The following IREB2 variants were observed in gnomAD, a reference collection of about 807,000 sequenced individuals.
IREB2 encodes the protein iron-responsive element-binding protein 2.
IREB2 carries 39 observed loss-of-function variants against 118.8 expected under a neutral mutation model. The ratio of observed to expected loss-of-function variants is 0.33; its 90% CI spans 0.25 to 0.43. The LOEUF (loss-of-function observed/expected upper bound fraction) is 0.43, where lower values mean the gene tolerates loss of function less well. Ranked by LOEUF, IREB2 falls within the 20% of genes least tolerant of loss-of-function variation. The pLI is 1.00. For synonymous variants in IREB2, 372 were observed against 392.2 expected (o/e 0.95, Z 0.61); for missense variants, 900 against 1,147.3 (o/e 0.78, Z 3.11).
chr15:78,478,261 C>T, intron 9 of IREB2, 36 bp from the exon 10 acceptor site: 2 of 1,285,050 alleles, frequency 1.6e-6, no homozygotes, highest in Non-Finnish European at 2.3e-6. Flanking sequence ...ATAAATTTCT[C>T]ACTGCATTTT....
At chr15:78,483,185 TATAC>T in intron 10 of IREB2, 129 bp from the exon 11 acceptor site, 1 of 556,150 alleles carries the variant, frequency 1.8e-6, no homozygotes, top group Non-Finnish European at 3.2e-6. Context: ...GAGGGTGTAT[TATAC>T]TATTAAAATA....
At chr15:78,477,056 T>G (rs2051483684) in intron 9 of IREB2, among the ~76,000 whole-genome samples, 1 of 152,130 alleles carries the variant, frequency 6.6e-6, no homozygotes, top group Non-Finnish European at 1.5e-5. Flanking sequence ...GGCAGATTAT[T>G]ATGTTAGTTA....
At chr15:78,473,209 A>G (rs2051408463) in intron 7 of IREB2, 33 bp from the exon 8 acceptor site, 1 of 1,594,506 alleles carries the variant, frequency 6.3e-7, no homozygotes. Context: ...CTTTAAATAT[A>G]CTGTGCTAAT....
chr15:78,496,189 G>C (rs2051835062), intron 20 of IREB2, among the ~76,000 whole-genome samples: 1 of 152,102 alleles, frequency 6.6e-6, no homozygotes, highest in South Asian at 2.1e-4. Context: ...ACCTATCTCT[G>C]TTTTCTAAAT....
intron 12 of IREB2, 90 bp downstream of exon 12, chr15:78,485,010 T>C: frequency 8.5e-7 from 1 of 1,181,354 alleles, no homozygotes; most frequent in Non-Finnish European, 1.2e-6. Flanking sequence ...AGATGATGCA[T>C]GAGTGTCTAC....
At chr15:78,470,852 G>A (rs1316650662) in intron 6 of IREB2, 24 of 247,196 alleles carry the variant, frequency 9.7e-5, no homozygotes, top group Non-Finnish European at 1.7e-4. Context: ...ACACCAGCAC[G>A]CCTGGCTAAT....
intron 16 of IREB2, among the ~76,000 whole-genome samples, chr15:78,489,831 G>A (rs2051719752): frequency 6.6e-6 from 1 of 152,174 alleles, no homozygotes; most frequent in Admixed American, 6.5e-5. Context: ...TGAGATTTTT[G>A]GCTGTAGTTT....
chr15:78,448,263 G>A (rs959534771), intron 2 of IREB2, among the ~76,000 whole-genome samples: 4 of 152,078 alleles, frequency 2.6e-5, no homozygotes, highest in African/African-American at 9.7e-5. Flanking sequence ...TCGTGCCTCA[G>A]CCACCCAAGT....
chr15:78,447,881 C>T lies in IREB2; in HGVS notation c.106+8000C>T, dbSNP rs539976476. 3.2e-4 allele frequency among the ~76,000 whole-genome samples: 49 copies of T among 152,350 alleles called. 1 individual carries two copies. The highest frequency in any genetic ancestry group is 9.9e-4 in the African/African-American group (41 of 41,586). On this transcript the variant is annotated intron_variant, in intron 2 of 21. Coordinates refer to ENST00000258886, the MANE Select transcript of IREB2 (RefSeq NM_004136.4). The stretch of plus-strand genomic sequence containing the variant: ...TATTGGACATGACATTTGTGCTTGG[C>T]GAACTCCCTGTGCCACTGGCCAGAC...
chr15:78,501,387 GA>G lies in IREB2; in HGVS notation c.*3245del, dbSNP rs1231062883. The stretch of plus-strand genomic sequence containing the variant: ...AATATATTGGAGGCAAAGTTCAGTT[GA>G]TGACAATTGTGTATATGTTACTGAT... On this transcript the variant is annotated 3_prime_UTR_variant, in exon 22 of 22. Transcript: ENST00000258886. 1.3e-5 allele frequency: 2 copies of G among 152,606 alleles called. No homozygotes were observed. Among genetic ancestry groups the G allele is most frequent in the Non-Finnish European group, 2.9e-5 (2 of 68,014 alleles). The allele number at this position is 152,606 out of a possible 1,614,324, so 9.5% of individuals were successfully genotyped here.
At chr15:78,438,581 C>T (rs2050792668) in intron 1 of IREB2, 2 of 568,818 alleles carry the variant, frequency 3.5e-6, no homozygotes, top group Admixed American at 6.2e-5. Flanking sequence ...GCAGGGCGGG[C>T]CACCCCACCG....
chr15:78,460,422 A>G (rs1398953225), intron 2 of IREB2, among the ~76,000 whole-genome samples: 1 of 152,166 alleles, frequency 6.6e-6, no homozygotes, highest in East Asian at 1.9e-4. Flanking sequence ...GTTTTTTAAG[A>G]GTCATTATGA....
chr15:78,458,421 C>T (rs2051140707), intron 2 of IREB2, among the ~76,000 whole-genome samples: 1 of 152,102 alleles, frequency 6.6e-6, no homozygotes, highest in African/African-American at 2.4e-5. Flanking sequence ...TCTATACCTT[C>T]CTCTCAGTTT....
In IREB2 at chr15:78,453,306, G is replaced by T. The variant is rs1322116139; in HGVS notation, c.107-9616G>T. Among the ~76,000 whole-genome samples the T allele has an allele frequency of 2.0e-5, 3 of 152,098 alleles. No homozygotes were observed. In the East Asian group the frequency reaches 5.8e-4, roughly 29 times the overall value. On this transcript the variant is annotated intron_variant, in intron 2 of 21. Coordinates refer to ENST00000258886, the MANE Select transcript of IREB2 (RefSeq NM_004136.4). ...AAAGGAGGTAATTATTAGCTCTTTTGAATATTGCTACAAGGCTGTTGGGAT... is the reference window on the plus strand; with the variant it reads ...AAAGGAGGTAATTATTAGCTCTTTTTAATATTGCTACAAGGCTGTTGGGAT...
At chr15:78,473,508 A>G in intron 8 of IREB2, 127 bp downstream of exon 8, 1 of 642,996 alleles carries the variant, frequency 1.6e-6, no homozygotes, top group South Asian at 2.0e-5. Flanking sequence ...TAGCCACATC[A>G]TCATAGTTAT....
intron 5 of IREB2, among the ~76,000 whole-genome samples, chr15:78,466,877 A>AT (rs1000582227): frequency 7.2e-5 from 11 of 151,996 alleles, no homozygotes; most frequent in African/African-American, 2.7e-4. Context: ...TATTTTTAAC[A>AT]TTTTTTTCCT....
intron 5 of IREB2, 96 bp downstream of exon 5, chr15:78,466,585 T>TA: frequency 1.3e-6 from 1 of 787,674 alleles, no homozygotes; most frequent in South Asian, 1.7e-5. Context: ...ACTATTATGT[T>TA]ACCTTCACAC....
At chr15:78,469,514 G>A (rs527731365) in intron 5 of IREB2, among the ~76,000 whole-genome samples, 1 of 151,932 alleles carries the variant, frequency 6.6e-6, no homozygotes, top group Admixed American at 6.6e-5. Context: ...ACCTGAGATC[G>A]GGAGTTTGAG....
At chr15:78,494,867 C>G (rs570097544) in intron 20 of IREB2, among the ~76,000 whole-genome samples, 4 of 152,170 alleles carry the variant, frequency 2.6e-5, no homozygotes, top group South Asian at 2.1e-4. Flanking sequence ...GCCATGTGCC[C>G]GGCCCCCACT....
Sources: gnomAD v4.1 joint callset for allele counts (sites outside exome capture counted in the v4.1 genomes callset) on GRCh38, gnomAD v4.1.1 for gene constraint, MANE v1.5 for transcripts, NCBI Gene and HGNC (gene_info 2026-07-23, HGNC 2026-07-21) for gene names.